The following ESYT2 variants were observed in gnomAD, a reference collection of about 807,000 sequenced individuals.
ESYT2 encodes the protein extended synaptotagmin 2.
In ESYT2, 54 loss-of-function variants were observed where a neutral mutation model predicts 107.2. The observed-to-expected ratio is 0.50, with a 90% CI of 0.40 to 0.63. The LOEUF (loss-of-function observed/expected upper bound fraction) is 0.63. ESYT2 is among the 30% of genes least tolerant of loss of function. The pLI is 0.00. For missense variants in ESYT2, 1,020 were observed against 1,094.5 expected, an observed-to-expected ratio of 0.93 and a Z score of 0.96; for synonymous variants, 491 against 434.1, an observed-to-expected ratio of 1.13 and a Z score of -1.63.
chr7:158,755,623 G>A (rs1837728205), intron 13 of ESYT2, among the ~76,000 whole-genome samples: 1 of 152,162 alleles, frequency 6.6e-6, no homozygotes, highest in African/African-American at 2.4e-5. Context: ...ATATGCTGCT[G>A]TTACTTTTAA....
At chr7:158,793,793 C>T (rs1839379442) in intron 3 of ESYT2, 67 bp from the exon 4 acceptor site, 2 of 1,212,868 alleles carry the variant, frequency 1.6e-6, no homozygotes, top group Non-Finnish European at 2.4e-6. Context: ...GTGTAACATA[C>T]CATAGAGACA....
At chr7:158,765,895 C>CT (rs1474802917) in intron 8 of ESYT2, among the ~76,000 whole-genome samples, 4 of 151,932 alleles carry the variant, frequency 2.6e-5, no homozygotes, top group African/African-American at 4.8e-5. Flanking sequence ...CCCACACATC[C>CT]TTTTTTAAAA....
chr7:158,741,396 T>C (rs996352983), intron 18 of ESYT2, 127 bp downstream of exon 18: 2 of 1,379,674 alleles, frequency 1.4e-6, no homozygotes, highest in Non-Finnish European at 1.9e-6. Context: ...TCAGTTAACC[T>C]AAGATTAGGC....
intron 18 of ESYT2, among the ~76,000 whole-genome samples, chr7:158,741,145 C>T (rs546088716): frequency 1.2e-4 from 18 of 152,326 alleles, no homozygotes; most frequent in African/African-American, 3.8e-4. Flanking sequence ...CCTCACACAA[C>T]GGGGAGGCCA....
At chr7:158,797,856 G>GAA (rs11404991) in intron 3 of ESYT2, 86 bp downstream of exon 3, 228,538 of 1,143,480 alleles carry the variant, frequency 0.2, no homozygotes, top group Non-Finnish European at 0.22. Context: ...TCCGTCTCAA[G>GAA]AAAAAAAAAA....
chr7:158,747,991 G>A (rs1282995813), intron 16 of ESYT2, among the ~76,000 whole-genome samples: 2 of 152,348 alleles, frequency 1.3e-5, no homozygotes, highest in Non-Finnish European at 2.9e-5. Context: ...CCTGGAAAAT[G>A]TGAACAGTAA....
chr7:158,760,932 T>G (rs1415548218), intron 11 of ESYT2, among the ~76,000 whole-genome samples: 1 of 152,228 alleles, frequency 6.6e-6, no homozygotes, highest in Non-Finnish European at 1.5e-5. Flanking sequence ...GCAGCAGAAT[T>G]CAACACTTTT....
chr7:158,827,849 C>A (rs1328718863), intron 1 of ESYT2, among the ~76,000 whole-genome samples: 1 of 152,150 alleles, frequency 6.6e-6, no homozygotes, highest in East Asian at 1.9e-4. Context: ...ATGGAAGAAT[C>A]ATTAAAATCC....
intron 7 of ESYT2, among the ~76,000 whole-genome samples, chr7:158,770,609 G>A (rs1288752731): frequency 6.6e-6 from 1 of 151,890 alleles, no homozygotes; most frequent in Non-Finnish European, 1.5e-5. Flanking sequence ...CCGCCTCCTG[G>A]GTTCACGCCA....
chr7:158,762,015 C>T lies in ESYT2; in HGVS notation c.1185-471G>A, dbSNP rs188272683. On this transcript the variant is annotated intron_variant, in intron 10 of 22. Transcript: ENST00000275418. ...ACTCGCACAGTGAACGCTAACCTCACGTTCCCCCACCCTTGCTCCCAGGCT... is the reference window on the plus strand; with the variant it reads ...ACTCGCACAGTGAACGCTAACCTCATGTTCCCCCACCCTTGCTCCCAGGCT... Among the ~76,000 whole-genome samples, 16 of 152,280 alleles carry T rather than the reference C, an allele frequency of 1.1e-4. No homozygotes were observed. The East Asian group carries it at 2.9e-3, about 28-fold the overall frequency.
At chr7:158,820,781 G>A (rs1840266796) in intron 1 of ESYT2, among the ~76,000 whole-genome samples, 1 of 152,088 alleles carries the variant, frequency 6.6e-6, no homozygotes, top group Non-Finnish European at 1.5e-5. Flanking sequence ...GCAAAACCTT[G>A]TGTCAAAAAA....
At chr7:158,770,520 TA>T (rs200224472) in intron 7 of ESYT2, among the ~76,000 whole-genome samples, 59 of 146,698 alleles carry the variant, frequency 4.0e-4, no homozygotes, top group African/African-American at 1.2e-3. Flanking sequence ...TATATATATA[TA>T]TTTTTTTTCC....
rs3816462 is a variant in ESYT2, at chr7:158,735,542, A to G, written c.2466T>C (p.Ser822=). 309,155 of 1,604,924 alleles carry G rather than the reference A, an allele frequency of 0.19. 36,489 individuals carry two copies. The highest frequency in any genetic ancestry group is 0.57 in the East Asian group (25,555 of 44,802). ...RRTLDVAVKN[S]GGFLSKDKGL... ...CTTTGTCTTTGGACAGGAAGCCGCC[A>G]CTGTTCTTCACGGCAACGTCGAGCG... is the stretch of plus-strand genomic sequence containing the variant. The change falls in exon 21 of 23, where the codon AGT becomes AGC. Residue 822 remains serine (S), a synonymous_variant. Coordinates refer to ENST00000275418, the MANE Select transcript of ESYT2 (RefSeq NM_001367773.1).
chr7:158,797,030 A>T (rs2444566), intron 3 of ESYT2, among the ~76,000 whole-genome samples: 1 of 2,938 alleles, frequency 3.4e-4, no homozygotes, highest in Non-Finnish European at 1.5e-3. Context: ...TGCAGGCGAG[A>T]GGGCAGCAGG....
Position 158,743,637 on chromosome 7 carries a change from C to T in ESYT2, c.1686G>A (p.Lys562=), listed in dbSNP as rs187490211. 4.3e-6 allele frequency: 7 copies of T among 1,613,506 alleles called. No individual in the cohort carries two copies. In the East Asian group the frequency reaches 1.6e-4, roughly 36 times the overall value. The change falls in exon 17 of 23, where the codon AAG becomes AAA. Residue 562 remains lysine, a synonymous_variant. Coordinates refer to ENST00000275418, the MANE Select transcript of ESYT2 (RefSeq NM_001367773.1). ...EQHQCSLGNL[K]VPLSQLLTSE... is the part of the protein sequence containing the mutation. Reference sequence around the variant, plus strand: ...TGGTGAGCAGCTGGCTGAGGGGGACCTTCAGGTTCCCCAGGGAACACTGGT... The same window carrying T: ...TGGTGAGCAGCTGGCTGAGGGGGACTTTCAGGTTCCCCAGGGAACACTGGT...
At position 158,732,715 on chromosome 7, in the gene ESYT2, A is replaced by C. The variant is rs545892074; in HGVS notation, c.*1492T>G. The C allele has an allele frequency of 6.5e-6, 1 of 152,792 alleles. No individual in the cohort carries two copies. Among genetic ancestry groups the C allele is most frequent in the South Asian group, 2.1e-4 (1 of 4,826 alleles). The allele number at this position is 152,792 out of a possible 1,614,324, so 9.5% of individuals were successfully genotyped here. On this transcript the variant is annotated 3_prime_UTR_variant, in exon 23 of 23. Coordinates refer to ENST00000275418, the MANE Select transcript of ESYT2 (RefSeq NM_001367773.1). ...CACAGGCACTTTGGTTTGTTTGGTC[A>C]TGTGAGTTACCCACAAGTTGTATAG...
chr7:158,817,832 G>C (rs1398661427), intron 1 of ESYT2, among the ~76,000 whole-genome samples: 1 of 152,200 alleles, frequency 6.6e-6, no homozygotes, highest in African/African-American at 2.4e-5. Context: ...GAAGGTGAAA[G>C]TATCATTCAG....
chr7:158,828,805 G>T (rs1227490521), intron 1 of ESYT2, among the ~76,000 whole-genome samples: 1 of 151,186 alleles, frequency 6.6e-6, no homozygotes, highest in Non-Finnish European at 1.5e-5. Context: ...TCGCCAGCAG[G>T]CTGGGAGTCG....
chr7:158,758,630 G>A (rs1431099556), intron 13 of ESYT2, among the ~76,000 whole-genome samples: 4 of 152,174 alleles, frequency 2.6e-5, no homozygotes, highest in South Asian at 2.1e-4. Flanking sequence ...TCTGCACCGC[G>A]TGGCAGCAGT....
Sources: allele counts gnomAD v4.1 joint callset (sites outside exome capture counted in the v4.1 genomes callset), GRCh38; gene constraint gnomAD v4.1.1; transcripts MANE v1.5; gene names NCBI Gene and HGNC (gene_info 2026-07-23, HGNC 2026-07-21).